The following NRXN3 variants were observed in gnomAD, a reference collection of about 807,000 sequenced individuals.
The protein encoded by NRXN3 is neurexin 3.
NRXN3 carries 32 observed loss-of-function variants against 137.6 expected under a neutral mutation model. That is an observed-to-expected ratio of 0.23 (90% CI 0.18 to 0.31). The LOEUF is 0.31. Ranked by LOEUF, NRXN3 falls within the 10% of genes least tolerant of loss-of-function variation. The pLI is 1.00. For missense variants in NRXN3, 1,574 were observed against 2,062.5 expected (o/e 0.76, Z 4.59); for synonymous variants, 798 against 784.5 (o/e 1.02, Z -0.29).
chr14:78,633,912 G>T (rs1425574590), intron 4 of NRXN3, among the ~76,000 whole-genome samples: 5 of 152,190 alleles, frequency 3.3e-5, no homozygotes, highest in Admixed American at 2.0e-4. Flanking sequence ...AGACTTGCAG[G>T]CTAGAGCCCA....
intron 15 of NRXN3, among the ~76,000 whole-genome samples, chr14:79,049,700 A>C (rs2099639140): frequency 6.6e-6 from 1 of 152,194 alleles, no homozygotes; most frequent in African/African-American, 2.4e-5. Flanking sequence ...TTTCTTCAAT[A>C]AGACTTGAAA....
chr14:79,196,380 C>T (rs1373078748), intron 15 of NRXN3, among the ~76,000 whole-genome samples: 1 of 152,154 alleles, frequency 6.6e-6, no homozygotes, highest in Non-Finnish European at 1.5e-5. Context: ...TACATGATCC[C>T]ATGGTGAAAG....
At position 78,778,682 on chromosome 14, in the gene NRXN3, CTT is replaced by C. The variant is rs1449037539; in HGVS notation, c.2045-24936_2045-24935del. On this transcript the variant is annotated intron_variant, in intron 8 of 20. Transcript: ENST00000335750. ...TTCCTTTTCTTTTCTCTTTTCTTTT[CTT>C]TCTTTCTTTCTTTCTTTCTTTCTTT... Among the ~76,000 whole-genome samples, 6 of 72,910 alleles carry C rather than the reference CTT, an allele frequency of 8.2e-5. No individual in the cohort carries two copies. In the East Asian group the frequency reaches 1.1e-3, roughly 13 times the overall value. 47.8% of individuals were successfully genotyped at this position (72,910 alleles called of 152,430 possible). A position where few individuals can be genotyped will look rare whatever the true frequency, so the allele number is the denominator to read the frequency against.
intron 15 of NRXN3, among the ~76,000 whole-genome samples, chr14:79,339,526 A>G (rs2092477382): frequency 6.6e-6 from 1 of 152,264 alleles, no homozygotes; most frequent in Non-Finnish European, 1.5e-5. Flanking sequence ...CTTACTATTC[A>G]AAGTATGCTC....
At chr14:79,697,546 AT>A in intron 18 of NRXN3, 83 bp from the exon 19 acceptor site, 2 of 1,439,898 alleles carry the variant, frequency 1.4e-6, no homozygotes, top group Non-Finnish European at 1.9e-6. Context: ...GAAGCCTGTT[AT>A]GATGCCTGGT....
chr14:78,824,531 C>A (rs764368172), intron 10 of NRXN3, among the ~76,000 whole-genome samples: 1 of 152,234 alleles, frequency 6.6e-6, no homozygotes, highest in East Asian at 1.9e-4. Context: ...CAGGAGAAAT[C>A]TGTAGATAAA....
chr14:78,555,987 G>T (rs1268751231), intron 4 of NRXN3, among the ~76,000 whole-genome samples: 2 of 152,162 alleles, frequency 1.3e-5, no homozygotes, highest in East Asian at 1.9e-4. Flanking sequence ...ATGTGAGATT[G>T]GTATCCTGTG....
intron 15 of NRXN3, among the ~76,000 whole-genome samples, chr14:79,091,747 C>A (rs1377306290): frequency 6.6e-6 from 1 of 152,066 alleles, no homozygotes; most frequent in Admixed American, 6.6e-5. Flanking sequence ...GGCTTCTGCC[C>A]ATACTTTTGC....
At chr14:79,500,315 C>A (rs554954092) in intron 16 of NRXN3, among the ~76,000 whole-genome samples, 283 of 147,810 alleles carry the variant, frequency 1.9e-3, no homozygotes, top group Non-Finnish European at 3.4e-3. Flanking sequence ...AGATACCATT[C>A]AAAGTTAGAC....
chr14:78,778,758 C>CTCTT (rs10701078), intron 8 of NRXN3, among the ~76,000 whole-genome samples: 6,916 of 97,062 alleles, frequency 0.071, 300 homozygotes, highest in Non-Finnish European at 0.084. Flanking sequence ...TTCCTTCTTT[C>CTCTT]TCTTTCTTTC....
intron 10 of NRXN3, among the ~76,000 whole-genome samples, chr14:78,938,153 C>T (rs934928218): frequency 1.3e-5 from 2 of 152,326 alleles, no homozygotes; most frequent in Middle Eastern, 3.4e-3. Flanking sequence ...TTCATTTATT[C>T]GTCACCATAT....
chr14:78,386,478 G>A (rs1420488873), intron 4 of NRXN3, among the ~76,000 whole-genome samples: 2 of 152,046 alleles, frequency 1.3e-5, no homozygotes, highest in Non-Finnish European at 2.9e-5. Context: ...ATCTTACCAA[G>A]GGACCCAGAA....
chr14:78,336,709 G>T (rs900451307), intron 4 of NRXN3, among the ~76,000 whole-genome samples: 3 of 152,118 alleles, frequency 2.0e-5, no homozygotes, highest in Admixed American at 1.3e-4. Flanking sequence ...GGTGCAATGG[G>T]TGGGGTGTCT....
chr14:79,531,060 T>C (rs2097165641), intron 16 of NRXN3, among the ~76,000 whole-genome samples: 1 of 152,212 alleles, frequency 6.6e-6, no homozygotes, highest in Non-Finnish European at 1.5e-5. Context: ...AGAATTTAGA[T>C]AGATAAGAAT....
chr14:79,287,798 C>T (rs1349871641), intron 15 of NRXN3, among the ~76,000 whole-genome samples: 1 of 152,150 alleles, frequency 6.6e-6, no homozygotes, highest in Non-Finnish European at 1.5e-5. Flanking sequence ...TTATATTCAT[C>T]TTTTAACTTT....
intron 11 of NRXN3, among the ~76,000 whole-genome samples, chr14:78,964,295 T>C (rs1256605209): frequency 6.6e-6 from 1 of 152,202 alleles, no homozygotes; most frequent in Non-Finnish European, 1.5e-5. Context: ...ATAATATTGC[T>C]TACACCCACT....
At chr14:78,933,770 G>A (rs746936239) in intron 10 of NRXN3, among the ~76,000 whole-genome samples, 1 of 152,164 alleles carries the variant, frequency 6.6e-6, no homozygotes, top group African/African-American at 2.4e-5. Flanking sequence ...CATCTTTATG[G>A]TGAGAACATT....
chr14:79,862,265 C>A lies in NRXN3; in HGVS notation c.*301C>A, dbSNP rs2099414877. ...GCGCTCTGGAGCCGGACGGTGGCTCCACCACTTCCGCAGGCCTGGAAACTT... is the reference window on the plus strand; with the variant it reads ...GCGCTCTGGAGCCGGACGGTGGCTCAACCACTTCCGCAGGCCTGGAAACTT... On this transcript the variant is annotated 3_prime_UTR_variant, in exon 21 of 21. Coordinates refer to ENST00000335750, the MANE Select transcript of NRXN3 (RefSeq NM_001330195.2). The A allele has an allele frequency of 4.0e-6, 1 of 249,854 alleles. No homozygotes were observed. 15.5% of individuals were successfully genotyped at this position (249,854 alleles called of 1,614,324 possible). A position where few individuals can be genotyped will look rare whatever the true frequency, so the allele number is the denominator to read the frequency against.
chr14:79,164,915 T>C (rs1236275505), intron 15 of NRXN3, among the ~76,000 whole-genome samples: 1 of 151,960 alleles, frequency 6.6e-6, no homozygotes, highest in Non-Finnish European at 1.5e-5. Context: ...AAATCATAAA[T>C]GGCAAACTAT....
Sources: gnomAD v4.1 joint callset for allele counts (sites outside exome capture counted in the v4.1 genomes callset) on GRCh38, gnomAD v4.1.1 for gene constraint, MANE v1.5 for transcripts, NCBI Gene and HGNC (gene_info 2026-07-23, HGNC 2026-07-21) for gene names.